Variants in CNTNAP5 observed in about 807,000 individuals in gnomAD.
The protein encoded by CNTNAP5 is contactin-associated protein-like 5.
Under a neutral mutation model 150.2 loss-of-function variants are expected in CNTNAP5, and 72 were observed. The ratio of observed to expected loss-of-function variants is 0.48; its 90% CI spans 0.40 to 0.58. CNTNAP5 has a LOEUF of 0.58. CNTNAP5 is among the 20% of genes least tolerant of loss of function. CNTNAP5 has a pLI of 0.00. For synonymous variants in CNTNAP5, 672 were observed against 619.8 expected, an observed-to-expected ratio of 1.08 and a Z score of -1.25; for missense variants, 1,636 against 1,626.2, an observed-to-expected ratio of 1.01 and a Z score of -0.10.
intron 19 of CNTNAP5, among the ~76,000 whole-genome samples, chr2:124,818,908 G>A (rs906918739): frequency 6.6e-6 from 1 of 152,128 alleles, no homozygotes; most frequent in African/African-American, 2.4e-5. Flanking sequence ...TTTCTAGGAT[G>A]TGCCCAGCAG....
chr2:124,505,693 G>A lies in CNTNAP5; in HGVS notation c.1327+1137G>A, dbSNP rs541297832. Reference sequence around the variant, plus strand: ...GTTTCTTCAACATGAAACAGTGGAAGTCTCTCTCTCATTCTCTGTTATGTT... The same window carrying A: ...GTTTCTTCAACATGAAACAGTGGAAATCTCTCTCTCATTCTCTGTTATGTT... On this transcript the variant is annotated intron_variant, in intron 8 of 23. Coordinates refer to ENST00000682447, the MANE Select transcript of CNTNAP5 (RefSeq NM_001367498.1). Among the ~76,000 whole-genome samples the A allele has an allele frequency of 2.0e-5, 3 of 152,184 alleles. 1 individual carries two copies. The South Asian group carries it at 6.2e-4, about 32-fold the overall frequency.
chr2:124,319,727 C>A (rs984780127), intron 3 of CNTNAP5, among the ~76,000 whole-genome samples: 5 of 152,122 alleles, frequency 3.3e-5, no homozygotes, highest in Non-Finnish European at 4.4e-5. Flanking sequence ...GCATCACTAG[C>A]CTCTACCCAC....
chr2:124,134,507 A>AG (rs1683930886), intron 1 of CNTNAP5, among the ~76,000 whole-genome samples: 1 of 152,230 alleles, frequency 6.6e-6, no homozygotes, highest in African/African-American at 2.4e-5. Flanking sequence ...GCTTGCTATT[A>AG]GTAAATTAAC....
chr2:124,688,284 G>T (rs1199081316), intron 13 of CNTNAP5, among the ~76,000 whole-genome samples: 1 of 151,936 alleles, frequency 6.6e-6, no homozygotes, highest in African/African-American at 2.4e-5. Context: ...TTAAAAAAAC[G>T]AATAGAATCC....
chr2:124,492,407 G>A (rs1020220697), intron 7 of CNTNAP5, among the ~76,000 whole-genome samples: 3 of 152,148 alleles, frequency 2.0e-5, no homozygotes, highest in Admixed American at 1.3e-4. Context: ...TTATTTCTGA[G>A]TTCTGAGTTC....
intron 1 of CNTNAP5, among the ~76,000 whole-genome samples, chr2:124,042,797 T>TCTAC (rs1289941305): frequency 6.7e-6 from 1 of 149,906 alleles, no homozygotes; most frequent in East Asian, 1.9e-4. Context: ...TATCTATCTA[T>TCTAC]CTATCTATCT....
At chr2:124,857,207 T>G (rs1448781458) in intron 19 of CNTNAP5, among the ~76,000 whole-genome samples, 3 of 152,168 alleles carry the variant, frequency 2.0e-5, no homozygotes, top group Admixed American at 2.0e-4. Flanking sequence ...TACATTTTTT[T>G]TTCTTTTCTG....
chr2:124,328,761 G>A (rs868091732), intron 3 of CNTNAP5, among the ~76,000 whole-genome samples: 9 of 152,134 alleles, frequency 5.9e-5, no homozygotes, highest in Middle Eastern at 3.2e-3. Flanking sequence ...GAGGTCTAAA[G>A]GGGGTAGTTT....
chr2:124,465,826 T>C (rs1558914910), intron 6 of CNTNAP5, among the ~76,000 whole-genome samples: 2 of 152,140 alleles, frequency 1.3e-5, no homozygotes, highest in Non-Finnish European at 2.9e-5. Context: ...GTGAATTATA[T>C]AGTAAGTAAG....
In CNTNAP5 at chr2:124,244,223, T is replaced by G. The variant is rs577090489; in HGVS notation, c.381+1830T>G. On this transcript the variant is annotated intron_variant, in intron 3 of 23. Transcript: ENST00000682447. ...GCAGGGGGCACAAAGCCTCTTTCAC[T>G]TCCTCACCCTTGTCACTTTCCCTGT... 2.0e-5 allele frequency among the ~76,000 whole-genome samples: 3 copies of G among 152,268 alleles called. No homozygotes were observed. In the East Asian group the frequency reaches 5.8e-4, roughly 30 times the overall value.
chr2:124,853,562 A>C (rs1357872381), intron 19 of CNTNAP5, among the ~76,000 whole-genome samples: 3 of 152,182 alleles, frequency 2.0e-5, no homozygotes, highest in African/African-American at 7.2e-5. Flanking sequence ...ATCATAGTTA[A>C]TAGTATATCA....
At chr2:124,640,963 T>TA (rs1366730100) in intron 12 of CNTNAP5, among the ~76,000 whole-genome samples, 2 of 151,628 alleles carry the variant, frequency 1.3e-5, no homozygotes, top group South Asian at 2.1e-4. Flanking sequence ...CTGTCTGTAC[T>TA]AAAAAATACA....
At position 124,461,648 on chromosome 2, in the gene CNTNAP5, G is replaced by A. The variant is rs1237955847; in HGVS notation, c.919-13091G>A. ...CATATATAACTAACCTGCACATTGT[G>A]CACATGTACCCTAAAACTTAAAGTA... On this transcript the variant is annotated intron_variant, in intron 6 of 23. Transcript: ENST00000682447. 3.3e-5 allele frequency among the ~76,000 whole-genome samples: 5 copies of A among 151,694 alleles called. No individual in the cohort carries two copies. In the East Asian group the frequency reaches 9.7e-4, roughly 29 times the overall value.
At position 124,549,722 on chromosome 2, in the gene CNTNAP5, C is replaced by T. The variant is rs895658191; in HGVS notation, c.1650-13495C>T. Among the ~76,000 whole-genome samples the T allele has an allele frequency of 2.0e-5, 3 of 152,254 alleles. No individual in the cohort carries two copies. The South Asian group carries it at 6.2e-4, about 32-fold the overall frequency. ...AAGCGTTCAAAAGTAGGTATAATTG[C>T]TTTTTTTCTTCAAATTTGAGAATCG... On this transcript the variant is annotated intron_variant, in intron 10 of 23. Coordinates refer to ENST00000682447, the MANE Select transcript of CNTNAP5 (RefSeq NM_001367498.1).
At chr2:124,360,740 C>G (rs1262083171) in intron 3 of CNTNAP5, among the ~76,000 whole-genome samples, 10 of 100,832 alleles carry the variant, frequency 9.9e-5, no homozygotes, top group Non-Finnish European at 1.8e-4. Flanking sequence ...CTGCCCTTAA[C>G]ATTTTTTCCT....
chr2:124,356,584 T>C (rs1286947823), intron 3 of CNTNAP5, among the ~76,000 whole-genome samples: 1 of 151,900 alleles, frequency 6.6e-6, no homozygotes, highest in Non-Finnish European at 1.5e-5. Context: ...TGCGATAGTT[T>C]ACTGAGAATC....
chr2:124,384,093 CATTATT>C (rs1163475552), intron 3 of CNTNAP5, among the ~76,000 whole-genome samples: 14 of 152,084 alleles, frequency 9.2e-5, no homozygotes, highest in Admixed American at 9.2e-4. Flanking sequence ...TTTAAACATA[CATTATT>C]ATATTATATA....
chr2:124,221,022 C>T (rs1161390623), intron 1 of CNTNAP5, among the ~76,000 whole-genome samples: 5 of 152,146 alleles, frequency 3.3e-5, no homozygotes, highest in Non-Finnish European at 7.4e-5. Flanking sequence ...CCCTGTCCCA[C>T]ATTTGGGCCT....
At chr2:124,559,760 T>C (rs1215546566) in intron 10 of CNTNAP5, among the ~76,000 whole-genome samples, 1 of 152,182 alleles carries the variant, frequency 6.6e-6, no homozygotes, top group African/African-American at 2.4e-5. Context: ...AATGTGGAAA[T>C]TATACTCATG....
Sources: allele counts gnomAD v4.1 joint callset (sites outside exome capture counted in the v4.1 genomes callset), GRCh38; gene constraint gnomAD v4.1.1; transcripts MANE v1.5; gene names NCBI Gene and HGNC (gene_info 2026-07-23, HGNC 2026-07-21).